The following MPO variants were observed in gnomAD, a reference collection of about 807,000 sequenced individuals.
MPO encodes the protein myeloperoxidase.
MPO carries 57 observed loss-of-function variants against 69.4 expected under a neutral mutation model. The ratio of observed to expected loss-of-function variants is 0.82; its 90% CI spans 0.66 to 1.02. The LOEUF is 1.02. MPO is among the 50% of genes least tolerant of loss of function. MPO has a pLI of 0.00. For synonymous variants in MPO, 426 were observed against 417.1 expected (o/e 1.02, Z -0.26); for missense variants, 971 against 1,014.1 (o/e 0.96, Z 0.58).
Position 58,273,681 on chromosome 17 carries a change from T to C in MPO, c.1366-12A>G, listed in dbSNP as rs963405572. On this transcript the variant is annotated splice_polypyrimidine_tract_variant and intron_variant, in intron 8 of 11. Coordinates refer to ENST00000225275, the MANE Select transcript of MPO (RefSeq NM_000250.2). ...CGGTAAGTGATGATCTAAAGACAAG[T>C]CATTTGGAATGGCCTCTCCACCCAC... 3.1e-6 allele frequency: 5 copies of C among 1,613,996 alleles called. No individual in the cohort carries two copies. Among genetic ancestry groups the C allele is most frequent in the Middle Eastern group, 1.6e-4 (1 of 6,084 alleles).
Position 58,275,581 on chromosome 17 carries a change from G to C in MPO, c.1326C>G (p.Leu442=), listed in dbSNP as rs531757804. 10 of 1,614,128 alleles carry C rather than the reference G, an allele frequency of 6.2e-6. No homozygotes were observed. The East Asian group carries it at 1.1e-4, about 18-fold the overall frequency. The change falls in exon 8 of 12, where the codon CTC becomes CTG. Residue 442 remains leucine, a synonymous_variant. Transcript: ENST00000225275. The surrounding 1 kb of genome is among the most constrained non-coding windows in gnomAD (Gnocchi z 4.1). ...CCACGATCTTCCGGGCTTCCTGGTA[G>C]AGCCTCTCCCCATCCCACCTAGGGT... ...SLNPRWDGER[L]YQEARKIVGA...
chr17:58,280,131 G>T (rs964312139), intron 2 of MPO, 117 bp from the exon 3 acceptor site: 2 of 1,371,536 alleles, frequency 1.5e-6, no homozygotes, highest in Non-Finnish European at 2.0e-6. Context: ...TGGGAGGAAG[G>T]CTTCCTTTTA....
At chr17:58,278,903 T>G in intron 6 of MPO, 105 bp downstream of exon 6, 1 of 1,334,940 alleles carries the variant, frequency 7.5e-7, no homozygotes, top group Non-Finnish European at 1.0e-6. Context: ...GGGCCAGCCT[T>G]CCTCAGCGTC....
At chr17:58,272,976 T>C (rs1445128200) in intron 9 of MPO, 58 bp from the exon 10 acceptor site, 18 of 1,602,040 alleles carry the variant, frequency 1.1e-5, no homozygotes, top group Non-Finnish European at 1.4e-5. Context: ...AGAGCTCAGA[T>C]TGGAGTCAGG....
At chr17:58,280,057 GACCC>G in intron 2 of MPO, 43 bp from the exon 3 acceptor site, 2 of 1,607,610 alleles carry the variant, frequency 1.2e-6, no homozygotes, top group Non-Finnish European at 1.7e-6. Context: ...AAGGGATACA[GACCC>G]ACCCAGCAGA....
In MPO at chr17:58,275,483, G is replaced by T; in HGVS notation, c.1365+59C>A. 6.2e-7 allele frequency: 1 copy of T among 1,609,706 alleles called. No homozygotes were observed. The highest frequency in any genetic ancestry group is 2.2e-5 in the East Asian group (1 of 44,876). On this transcript the variant is annotated intron_variant, in intron 8 of 11. Coordinates refer to ENST00000225275, the MANE Select transcript of MPO (RefSeq NM_000250.2). The surrounding 1 kb of genome is among the most constrained non-coding windows in gnomAD (Gnocchi z 4.1). ...TTAGGAACTTGCCCAAGGTCACACA[G>T]CTAGGATGTTGCAGGGACACATCTG...
intron 7 of MPO, 32 bp downstream of exon 7, chr17:58,277,795 A>G (rs748008456): frequency 6.9e-6 from 11 of 1,598,590 alleles, no homozygotes; most frequent in Non-Finnish European, 9.3e-6. Flanking sequence ...AACATCTCCT[A>G]TGCCACCTCT....
rs532289698 is a variant in MPO, at chr17:58,278,447, T to A, written c.886-302A>T. ...CCCCTTCTCTCTGCTGTGCCTGCTC[T>A]CCCTCTGGCCCTGACATTCTCCTGT... On this transcript the variant is annotated intron_variant, in intron 6 of 11. Coordinates refer to ENST00000225275, the MANE Select transcript of MPO (RefSeq NM_000250.2). Among the ~76,000 whole-genome samples the A allele has an allele frequency of 2.6e-5, 4 of 152,176 alleles. No homozygotes were observed. The East Asian group carries it at 7.7e-4, about 29-fold the overall frequency.
In MPO at chr17:58,279,054, T is replaced by C; in HGVS notation, c.839A>G (p.Asn280Ser). 2.5e-6 allele frequency: 4 copies of C among 1,612,858 alleles called. No homozygotes were observed. Among genetic ancestry groups the C allele is most frequent in the Non-Finnish European group, 3.4e-6 (4 of 1,179,716 alleles). ...CTGCTGAACGCAGCTGGTCTCGCAG[T>C]TGACGCCAGTGACGAAGGAGGCCCG... ...AARASFVTGV[N>S]CETSCVQQPP... Residue 280 changes from asparagine to serine, a missense_variant, in exon 6 of 12, where the codon AAC becomes AGC. Physicochemically the swap from Asn to Ser is conservative, Grantham distance 46 (BLOSUM62 1). Coordinates refer to ENST00000225275, the MANE Select transcript of MPO (RefSeq NM_000250.2).
rs1256094274 is a variant in MPO, at chr17:58,270,733, T to C, written c.2161A>G (p.Asn721Asp). ...TVSKNNIFMS[N>D]SYPRDFVNCS... ...TTGACAAAGTCCCGGGGATATGAGTTGGACATGAAGATGTTGTTCTTAGAC... is the reference window on the plus strand; with the variant it reads ...TTGACAAAGTCCCGGGGATATGAGTCGGACATGAAGATGTTGTTCTTAGAC... Residue 721 changes from asparagine to aspartate, a missense_variant, in exon 12 of 12, where the codon AAC becomes GAC. Transcript: ENST00000225275. This position sits in a 1 kb window ranked among gnomAD's most constrained non-coding sequence, Gnocchi z 4.1. 3 of 1,614,042 alleles carry C rather than the reference T, an allele frequency of 1.9e-6. No homozygotes were observed. Among genetic ancestry groups the C allele is most frequent in the African/African-American group, 1.3e-5 (1 of 74,914 alleles).
At position 58,278,112 on chromosome 17, in the gene MPO, C is replaced by A; in HGVS notation, c.919G>T (p.Ala307Ser). The A allele has an allele frequency of 1.9e-6, 3 of 1,604,696 alleles. No individual in the cohort carries two copies. The part of the protein sequence containing the change: ...PPNDPRIKNQ[A>S]DCIPFFRSCP... ...GAGCGGAAGAACGGGATGCAGTCGG[C>A]TTGGTTCTTGATGCGGGGGTCATTG... Residue 307 changes from alanine (A) to serine (S), a missense_variant, in exon 7 of 12, where the codon GCC becomes TCC. By Grantham distance (99) the Ala-to-Ser change is moderately conservative. Coordinates refer to ENST00000225275, the MANE Select transcript of MPO (RefSeq NM_000250.2).
Position 58,279,818 on chromosome 17 carries a change from G to C in MPO, c.424+21C>G, listed in dbSNP as rs759013260. 3.1e-6 allele frequency: 5 copies of C among 1,613,968 alleles called. No individual in the cohort carries two copies. In the South Asian group the frequency reaches 5.5e-5, roughly 18 times the overall value. On this transcript the variant is annotated intron_variant, in intron 3 of 11. Transcript: ENST00000225275. ...GAGTCACTAGTGGAGCAGGGACCTG[G>C]GGTGTGATGGGCAACAGTACCAGTG...
At chr17:58,279,461 C>T (rs1416891081) in intron 4 of MPO, 35 bp from the exon 5 acceptor site, 1 of 1,612,060 alleles carries the variant, frequency 6.2e-7, no homozygotes. Flanking sequence ...CACCGGGAGG[C>T]TTGTGGCGTC....
rs1970383769 is a variant in MPO at position 58,272,791 on chromosome 17, C to A, written c.1749G>T (p.Leu583=). 2 of 1,614,172 alleles carry A rather than the reference C, an allele frequency of 1.2e-6. No homozygotes were observed. The highest frequency in any genetic ancestry group is 1.3e-5 in the African/African-American group (1 of 75,058). Residue 583 remains leucine (L), a synonymous_variant, in exon 10 of 12, where the codon CTG becomes CTT. Coordinates refer to ENST00000225275, the MANE Select transcript of MPO (RefSeq NM_000250.2). ...TGCTGCGCTGCATGTTCAGAGCAGG[C>A]AGGTCCAGCCCAATCCTCATGACCT... is the stretch of plus-strand genomic sequence containing the variant. ...FEQVMRIGLD[L]PALNMQRSRD... is the part of the protein sequence containing the mutation.
chr17:58,274,301 A>C (rs1970407048), intron 8 of MPO: 1 of 453,982 alleles, frequency 2.2e-6, no homozygotes, highest in African/African-American at 2.0e-5. Flanking sequence ...AGTGCAAATC[A>C]AAAACTCACC....
Position 58,277,948 on chromosome 17 carries a change from C to A in MPO, c.1083G>T (p.Gly361=). 2 of 1,613,358 alleles carry A rather than the reference C, an allele frequency of 1.2e-6. No individual in the cohort carries two copies. The highest frequency in any genetic ancestry group is 1.7e-5 in the Admixed American group (1 of 60,034). The change falls in exon 7 of 12, where the codon GGG becomes GGT. Residue 361 remains glycine, a synonymous_variant. Coordinates refer to ENST00000225275, the MANE Select transcript of MPO (RefSeq NM_000250.2). The part of the protein sequence containing the change: ...RNLRNMSNQL[G]LLAVNQRFQD... ...GGAAGCGCTGGTTGACGGCCAGCAG[C>A]CCCAGCTGGTTGGACATGTTGCGCA...
chr17:58,271,606 G>T, intron 11 of MPO, 49 bp downstream of exon 11: 2 of 1,579,950 alleles, frequency 1.3e-6, no homozygotes, highest in South Asian at 1.1e-5. Context: ...AGAGAGTCAA[G>T]GATGGGCCCA....
Position 58,280,841 on chromosome 17 carries a change from C to A in MPO, c.-83G>T. 1 of 1,539,098 alleles carries A rather than the reference C, an allele frequency of 6.5e-7. No homozygotes were observed. The highest frequency in any genetic ancestry group is 1.4e-5 in the African/African-American group (1 of 73,014). On this transcript the variant is annotated 5_prime_UTR_variant, in exon 1 of 12. Transcript: ENST00000225275. The stretch of plus-strand genomic sequence containing the variant: ...CCTGTCTATGGATAAAGCCAGACCT[C>A]CTTGAGGGAGGGGCTCACTGCTCTC...
In MPO at chr17:58,275,303, G is replaced by A. The variant is rs1970422988; in HGVS notation, c.1365+239C>T. ...TTCAACCCTCCCAACACCAATAACA[G>A]ACCCACAGGAAAGAAGACTGCAGGG... On this transcript the variant is annotated intron_variant, in intron 8 of 11. Coordinates refer to ENST00000225275, the MANE Select transcript of MPO (RefSeq NM_000250.2). This position sits in a 1 kb window ranked among gnomAD's most constrained non-coding sequence, Gnocchi z 4.1. Among the ~76,000 whole-genome samples, 1 of 152,162 alleles carries A rather than the reference G, an allele frequency of 6.6e-6. No individual in the cohort carries two copies. Among genetic ancestry groups the A allele is most frequent in the Admixed American group, 6.5e-5 (1 of 15,284 alleles).
Sources: gnomAD v4.1 joint callset for allele counts (sites outside exome capture counted in the v4.1 genomes callset) on GRCh38, gnomAD v4.1.1 for gene constraint, Gnocchi (gnomAD v3.1) non-coding constraint, MANE v1.5 for transcripts, NCBI Gene and HGNC (gene_info 2026-07-23, HGNC 2026-07-21) for gene names.